The following KCTD1 variants were observed in gnomAD, a reference collection of about 807,000 sequenced individuals.
The protein encoded by KCTD1 is BTB/POZ domain-containing protein KCTD1.
Under a neutral mutation model 66.0 loss-of-function variants are expected in KCTD1, and 24 were observed. The observed-to-expected ratio is 0.36, with a 90% CI of 0.26 to 0.51. The LOEUF (loss-of-function observed/expected upper bound fraction) is 0.51, where lower values mean the gene tolerates loss of function less well. Among genes scored for constraint, KCTD1 ranks in the 20% least tolerant of loss-of-function variants. The probability of loss-of-function intolerance (pLI) is 0.95; values close to 1 mark genes in which losing one functional copy is unlikely to be tolerated. For synonymous variants in KCTD1, 511 were observed against 517.2 expected (o/e 0.99, Z 0.16); for missense variants, 943 against 1,205.2 (o/e 0.78, Z 3.22).
At chr18:26,485,574 C>T (rs573429211) in intron 2 of KCTD1, among the ~76,000 whole-genome samples, 23 of 152,302 alleles carry the variant, frequency 1.5e-4, no homozygotes, top group African/African-American at 5.5e-4. Flanking sequence ...GGGTAAATGG[C>T]TATTTGTCTA....
At chr18:26,489,762 C>T (rs182803353) in intron 2 of KCTD1, among the ~76,000 whole-genome samples, 235 of 152,248 alleles carry the variant, frequency 1.5e-3, no homozygotes, top group African/African-American at 4.7e-3. Context: ...GTGTGAGATT[C>T]GTGGGCTGGG....
intron 1 of KCTD1, among the ~76,000 whole-genome samples, chr18:26,529,267 T>TC (rs1984320804): frequency 6.6e-6 from 1 of 152,112 alleles, no homozygotes; most frequent in Non-Finnish European, 1.5e-5. Flanking sequence ...GGTCCGCATC[T>TC]CCCCCTCCAC....
rs1057423093 is a variant in KCTD1 at position 26,511,789 on chromosome 18, G to T, written c.1810-10539C>A. 1.2e-4 allele frequency among the ~76,000 whole-genome samples: 19 copies of T among 152,134 alleles called. 1 individual carries two copies. Among genetic ancestry groups the T allele is most frequent in the Admixed American group, 1.1e-3 (17 of 15,268 alleles). The stretch of plus-strand genomic sequence containing the variant: ...CATTCCCTGGAGGAGGGAGAGATTT[G>T]CCTTGTTCCTTTCACCCTGTCTGTG... On this transcript the variant is annotated intron_variant, in intron 1 of 4. Transcript: ENST00000580059.
chr18:26,627,982 G>C (rs1372686966), intron 1 of KCTD1, among the ~76,000 whole-genome samples: 3 of 152,164 alleles, frequency 2.0e-5, no homozygotes, highest in African/African-American at 7.2e-5. Context: ...GCTGCCGGGA[G>C]GTTGCCTTGG....
At chr18:26,528,824 C>T (rs1338929215) in intron 1 of KCTD1, among the ~76,000 whole-genome samples, 1 of 152,170 alleles carries the variant, frequency 6.6e-6, no homozygotes, top group African/African-American at 2.4e-5. Flanking sequence ...CACAGTTCCC[C>T]TCCTCCTCCC....
At chr18:26,472,083 T>C (rs560538021) in intron 3 of KCTD1, among the ~76,000 whole-genome samples, 1 of 151,780 alleles carries the variant, frequency 6.6e-6, no homozygotes, top group Non-Finnish European at 1.5e-5. Context: ...TTTACTGAGA[T>C]AGGATACAAA....
intron 1 of KCTD1, among the ~76,000 whole-genome samples, chr18:26,501,480 C>T (rs1173250676): frequency 6.6e-6 from 1 of 152,204 alleles, no homozygotes; most frequent in Non-Finnish European, 1.5e-5. Flanking sequence ...CTAATGTTCA[C>T]TTCAAATAAC....
At chr18:26,509,131 ATAATCTTTCTGGTAATTTCACTTAAG>A (rs57669751) in intron 1 of KCTD1, among the ~76,000 whole-genome samples, 6,176 of 151,940 alleles carry the variant, frequency 0.041, 202 homozygotes, top group African/African-American at 0.091. Context: ...GAGAAAGAAA[ATAATCTTTCTGGTAATTTCACTTAAG>A]TAAAAAAAAA....
chr18:26,656,903 G>C (rs1241385729), intron 1 of KCTD1, among the ~76,000 whole-genome samples: 1 of 139,278 alleles, frequency 7.2e-6, no homozygotes, highest in Admixed American at 7.1e-5. Context: ...GGAGGGAGGG[G>C]CTCGGGGAGG....
intron 1 of KCTD1, among the ~76,000 whole-genome samples, chr18:26,656,593 G>C (rs1408168375): frequency 2.0e-5 from 3 of 150,938 alleles, no homozygotes; most frequent in Non-Finnish European, 4.4e-5. Flanking sequence ...GAGCGGCGTG[G>C]TCCGGCCCGG....
At chr18:26,554,345 GA>G (rs146090453) in intron 1 of KCTD1, among the ~76,000 whole-genome samples, 12,882 of 150,590 alleles carry the variant, frequency 0.086, 1,470 homozygotes, top group African/African-American at 0.24. Flanking sequence ...GGGAAACTTG[GA>G]AAGGCAGAAT....
chr18:26,507,099 G>A (rs1434098425), intron 1 of KCTD1, among the ~76,000 whole-genome samples: 1 of 152,176 alleles, frequency 6.6e-6, no homozygotes, highest in African/African-American at 2.4e-5. Context: ...CTGGGAGGTG[G>A]CGGTTTCAGT....
At chr18:26,603,836 C>T (rs1458882484) in intron 1 of KCTD1, among the ~76,000 whole-genome samples, 1 of 151,844 alleles carries the variant, frequency 6.6e-6, no homozygotes, top group South Asian at 2.1e-4. Context: ...GCAATACCAG[C>T]CCATACATTG....
At chr18:26,639,131 G>A (rs1034648435) in intron 1 of KCTD1, among the ~76,000 whole-genome samples, 6 of 152,220 alleles carry the variant, frequency 3.9e-5, no homozygotes, top group African/African-American at 1.2e-4. Flanking sequence ...TCTGAACCAT[G>A]GAGATTGCTT....
intron 1 of KCTD1, among the ~76,000 whole-genome samples, chr18:26,509,647 T>C (rs2144710186): frequency 6.6e-6 from 1 of 152,260 alleles, no homozygotes; most frequent in Middle Eastern, 3.4e-3. Context: ...TCAGACAAAA[T>C]TAGATTGGAA....
chr18:26,640,891 G>A (rs1349199942), upstream of KCTD1, among the ~76,000 whole-genome samples: 1 of 152,116 alleles, frequency 6.6e-6, no homozygotes, highest in African/African-American at 2.4e-5. Flanking sequence ...GAGGAAGCTT[G>A]GGGACACAGA....
intron 1 of KCTD1, among the ~76,000 whole-genome samples, chr18:26,539,711 T>C (rs1439410845): frequency 6.6e-6 from 1 of 152,150 alleles, no homozygotes; most frequent in African/African-American, 2.4e-5. Flanking sequence ...CACTGACCCA[T>C]AACAGCCAGG....
chr18:26,487,355 A>T (rs778411966), intron 2 of KCTD1, among the ~76,000 whole-genome samples: 4 of 152,224 alleles, frequency 2.6e-5, no homozygotes, highest in Non-Finnish European at 4.4e-5. Flanking sequence ...AAGAATCCTA[A>T]TATACAACTT....
At chr18:26,550,557 G>GACAC (rs907937404), upstream of KCTD1, among the ~76,000 whole-genome samples, 293 of 83,660 alleles carry the variant, frequency 3.5e-3, 1 homozygote, top group African/African-American at 0.015. The surrounding 1 kb of genome is among the most constrained non-coding windows in gnomAD (Gnocchi z 5.4). Flanking sequence ...GGAAACACAA[G>GACAC]ACACACAGAC....
Sources: gnomAD v4.1 joint callset for allele counts (sites outside exome capture counted in the v4.1 genomes callset) on GRCh38, gnomAD v4.1.1 for gene constraint, Gnocchi (gnomAD v3.1) non-coding constraint, MANE v1.5 for transcripts, NCBI Gene and HGNC (gene_info 2026-07-23, HGNC 2026-07-21) for gene names.